The following PINX1 variants were observed in gnomAD, a reference collection of about 807,000 sequenced individuals.
The protein encoded by PINX1 is PIN2/TERF1-interacting telomerase inhibitor 1.
PINX1 carries 34 observed loss-of-function variants against 25.4 expected under a neutral mutation model. The ratio of observed to expected loss-of-function variants is 1.34; its 90% CI spans 1.02 to 1.78. The LOEUF (loss-of-function observed/expected upper bound fraction) is 1.78. Among genes scored for constraint, PINX1 ranks in the 40% most tolerant of loss-of-function variants. The pLI is 0.00. For synonymous variants in PINX1, 197 were observed against 147.7 expected (o/e 1.33, Z -2.42); for missense variants, 592 against 404.9 (o/e 1.46, Z -3.97).
chr8:10,800,439 A>T (rs1018362765), intron 6 of PINX1, among the ~76,000 whole-genome samples: 36 of 151,346 alleles, frequency 2.4e-4, no homozygotes, highest in Non-Finnish European at 5.2e-4. Flanking sequence ...AATAGAATGG[A>T]GTTTATTTAC....
intron 6 of PINX1, among the ~76,000 whole-genome samples, chr8:10,768,873 C>T (rs1271468433): frequency 6.6e-6 from 1 of 152,190 alleles, no homozygotes; most frequent in Non-Finnish European, 1.5e-5. Flanking sequence ...AATGCTTTTA[C>T]ATCTGGTCTC....
At chr8:10,787,547 T>C (rs1801791069) in intron 6 of PINX1, 1 of 211,736 alleles carries the variant, frequency 4.7e-6, no homozygotes, top group Non-Finnish European at 9.6e-6. Flanking sequence ...TATTTGACAT[T>C]AGTATTTTGA....
At chr8:10,784,100 T>A (rs1801674778) in intron 6 of PINX1, among the ~76,000 whole-genome samples, 1 of 152,228 alleles carries the variant, frequency 6.6e-6, no homozygotes, top group African/African-American at 2.4e-5. Flanking sequence ...TAATCCAATT[T>A]AGAGTATCTG....
intron 4 of PINX1, among the ~76,000 whole-genome samples, chr8:10,831,330 A>C (rs1447291682): frequency 6.6e-6 from 1 of 152,248 alleles, no homozygotes; most frequent in Non-Finnish European, 1.5e-5. Context: ...AATGGATATA[A>C]AAGTCCCACT....
At chr8:10,813,319 G>C (rs1797595520) in intron 6 of PINX1, among the ~76,000 whole-genome samples, 1 of 152,162 alleles carries the variant, frequency 6.6e-6, no homozygotes, top group Non-Finnish European at 1.5e-5. Flanking sequence ...TTGGGTATCA[G>C]TGTGAAAATT....
intron 1 of PINX1, among the ~76,000 whole-genome samples, chr8:10,837,860 A>G (rs73662642): frequency 0.02 from 3,003 of 152,348 alleles, 108 homozygotes; most frequent in African/African-American, 0.064. Flanking sequence ...ACACTAAATT[A>G]AATTTGGCCT....
chr8:10,834,123 G>A (rs1213757240), intron 2 of PINX1, among the ~76,000 whole-genome samples: 2 of 152,270 alleles, frequency 1.3e-5, no homozygotes, highest in African/African-American at 4.8e-5. Flanking sequence ...GAGCCTCAAG[G>A]AGCCCTAATA....
At chr8:10,780,533 C>G (rs77020478) in intron 6 of PINX1, among the ~76,000 whole-genome samples, 4 of 151,914 alleles carry the variant, frequency 2.6e-5, no homozygotes, top group African/African-American at 9.7e-5. Context: ...TTAAACCAGC[C>G]TTGCACGCCA....
At chr8:10,835,354 G>A (rs747705745) in intron 1 of PINX1, among the ~76,000 whole-genome samples, 5 of 152,140 alleles carry the variant, frequency 3.3e-5, no homozygotes, top group Admixed American at 6.5e-5. Context: ...GAAATTTGCC[G>A]AACATCCCCA....
At chr8:10,835,136 G>A (rs1798362590) in intron 1 of PINX1, among the ~76,000 whole-genome samples, 2 of 152,194 alleles carry the variant, frequency 1.3e-5, no homozygotes, top group Non-Finnish European at 2.9e-5. Context: ...AGCAGTAGTA[G>A]CAGCAGCATT....
At chr8:10,793,570 C>G (rs2129077317) in intron 6 of PINX1, among the ~76,000 whole-genome samples, 1 of 152,330 alleles carries the variant, frequency 6.6e-6, no homozygotes, top group Middle Eastern at 3.4e-3. Context: ...GCTGGACAAG[C>G]TTGACCTAGA....
At chr8:10,793,059 C>G (rs1276020733) in intron 6 of PINX1, among the ~76,000 whole-genome samples, 1 of 152,148 alleles carries the variant, frequency 6.6e-6, no homozygotes, top group Non-Finnish European at 1.5e-5. Context: ...CTGACCCTCG[C>G]TAACATCTAC....
At chr8:10,766,541 G>C (rs963575256) in intron 6 of PINX1, among the ~76,000 whole-genome samples, 1 of 152,198 alleles carries the variant, frequency 6.6e-6, no homozygotes, top group Non-Finnish European at 1.5e-5. Context: ...GAGACTCCGC[G>C]TGTCTCAGCC....
In PINX1 at chr8:10,839,852, C is replaced by A. The variant is rs568023969; in HGVS notation, c.-96G>T. 8.0e-6 allele frequency: 10 copies of A among 1,242,718 alleles called. No homozygotes were observed. The highest frequency in any genetic ancestry group is 3.1e-5 in the African/African-American group (2 of 65,448). 77.0% of individuals were successfully genotyped at this position (1,242,718 alleles called of 1,614,324 possible). A position where few individuals can be genotyped will look rare whatever the true frequency, so the allele number is the denominator to read the frequency against. ...AGGAGAATCAGGACGTGCGTAACTC[C>A]CTCGCCGGCGGACTGCAGCGGACGG... On this transcript the variant is annotated 5_prime_UTR_variant, in exon 1 of 7. Coordinates refer to ENST00000314787, the MANE Select transcript of PINX1 (RefSeq NM_017884.6).
chr8:10,787,275 G>A (rs1801782190), intron 6 of PINX1, among the ~76,000 whole-genome samples: 1 of 151,898 alleles, frequency 6.6e-6, no homozygotes, highest in Non-Finnish European at 1.5e-5. Flanking sequence ...TCACCAGGCT[G>A]GAGAGCAGTG....
Position 10,820,261 on chromosome 8 carries a change from G to T in PINX1, c.403C>A (p.Leu135Met). ...HYMKFTKGKD[L>M]SSRSKTDLDC... ...AGATCTGTTTTGCTCCGAGATGACAGATCCTTCCCTAGAAAAACAATGTGA... is the reference window on the plus strand; with the variant it reads ...AGATCTGTTTTGCTCCGAGATGACATATCCTTCCCTAGAAAAACAATGTGA... The change falls in exon 6 of 7, where the codon CTG (leucine) becomes ATG (methionine). Residue 135 changes from leucine (L) to methionine (M), a missense_variant. Transcript: ENST00000314787. The T allele has an allele frequency of 2.5e-6, 4 of 1,609,786 alleles. No homozygotes were observed. Among genetic ancestry groups the T allele is most frequent in the Non-Finnish European group, 2.6e-6 (3 of 1,176,350 alleles).
At chr8:10,788,136 TG>T (rs1801810540) in intron 6 of PINX1, among the ~76,000 whole-genome samples, 1 of 151,808 alleles carries the variant, frequency 6.6e-6, no homozygotes, top group Non-Finnish European at 1.5e-5. Context: ...GAAAGAGGGG[TG>T]GGAGTACAGC....
chr8:10,810,501 T>C (rs145968417), intron 6 of PINX1, among the ~76,000 whole-genome samples: 54 of 152,308 alleles, frequency 3.5e-4, no homozygotes, highest in African/African-American at 1.2e-3. Flanking sequence ...TGTCCCCAGA[T>C]TGTTCAAGGC....
chr8:10,822,247 G>A (rs1797901088), intron 5 of PINX1: 1 of 148,300 alleles, frequency 6.7e-6, no homozygotes, highest in African/African-American at 2.4e-5. Context: ...TGGTCCTGAT[G>A]GAAAGCTTAT....
Sources: gnomAD v4.1 joint callset for allele counts (sites outside exome capture counted in the v4.1 genomes callset) on GRCh38, gnomAD v4.1.1 for gene constraint, MANE v1.5 for transcripts, NCBI Gene and HGNC (gene_info 2026-07-23, HGNC 2026-07-21) for gene names.